Variants in CADM2 observed in about 807,000 individuals in gnomAD.
The protein encoded by CADM2 is immunoglobulin superfamily member 4D.
In CADM2, 12 loss-of-function variants were observed where a neutral mutation model predicts 49.8. The ratio of observed to expected loss-of-function variants is 0.24; its 90% CI spans 0.15 to 0.39. The LOEUF (loss-of-function observed/expected upper bound fraction) is 0.39. Ranked by LOEUF, CADM2 falls within the 10% of genes least tolerant of loss-of-function variation. CADM2 has a pLI of 1.00. For missense variants in CADM2, 378 were observed against 492.3 expected, an observed-to-expected ratio of 0.77 and a Z score of 2.20; for synonymous variants, 214 against 175.4, an observed-to-expected ratio of 1.22 and a Z score of -1.74.
At chr3:85,948,717 TAATAA>T (rs58893078) in intron 7 of CADM2, among the ~76,000 whole-genome samples, 17 of 150,918 alleles carry the variant, frequency 1.1e-4, no homozygotes, top group South Asian at 4.2e-4. Flanking sequence ...CTAAATAAAA[TAATAA>T]AATAAAATAA....
At chr3:85,042,883 T>C (rs975294469) in intron 1 of CADM2, among the ~76,000 whole-genome samples, 1 of 152,158 alleles carries the variant, frequency 6.6e-6, no homozygotes, top group African/African-American at 2.4e-5. Flanking sequence ...GACAGATTAA[T>C]AGGCGGTAAA....
chr3:86,064,731 A>G (rs550346254), intron 8 of CADM2, among the ~76,000 whole-genome samples: 1 of 152,322 alleles, frequency 6.6e-6, no homozygotes, highest in Admixed American at 6.5e-5. Context: ...TAGAATGGCG[A>G]TCATTAAAAT....
chr3:85,154,392 A>T (rs1305613800), intron 1 of CADM2, among the ~76,000 whole-genome samples: 1 of 152,146 alleles, frequency 6.6e-6, no homozygotes, highest in African/African-American at 2.4e-5. Context: ...TTAAAGAAAA[A>T]AGAATAAAAA....
intron 1 of CADM2, among the ~76,000 whole-genome samples, chr3:85,197,883 G>C (rs1348969648): frequency 6.6e-6 from 1 of 151,810 alleles, no homozygotes; most frequent in Non-Finnish European, 1.5e-5. Flanking sequence ...GCCTCTTGTT[G>C]CTTGAAGCAG....
intron 1 of CADM2, among the ~76,000 whole-genome samples, chr3:85,657,741 CAGATATATATATAT>C (rs1559574635): frequency 9.0e-5 from 6 of 66,812 alleles, no homozygotes; most frequent in African/African-American, 2.2e-4. Context: ...TATATATATA[CAGATATATATATAT>C]ACACAGATAT....
Position 84,994,180 on chromosome 3 carries a change from T to C in CADM2, c.61+34512T>C, listed in dbSNP as rs1312130202. On this transcript the variant is annotated intron_variant, in intron 1 of 9. Coordinates refer to ENST00000383699, the MANE Select transcript of CADM2 (RefSeq NM_001167675.2). ...AGTGTGTAACATTTTTGAAGGAATT[T>C]GGCACAGGCATCGCTTTTCCACTTC... Among the ~76,000 whole-genome samples the C allele has an allele frequency of 2.0e-5, 3 of 152,300 alleles. No individual in the cohort carries two copies. The East Asian group carries it at 5.8e-4, about 29-fold the overall frequency.
intron 7 of CADM2, among the ~76,000 whole-genome samples, chr3:85,943,743 C>T (rs1053985973): frequency 6.6e-6 from 1 of 151,726 alleles, no homozygotes; most frequent in African/African-American, 2.4e-5. Flanking sequence ...GAAATAACGC[C>T]GCATATCTAC....
At chr3:85,846,972 G>T (rs1041270821) in intron 3 of CADM2, among the ~76,000 whole-genome samples, 7 of 152,152 alleles carry the variant, frequency 4.6e-5, no homozygotes, top group Non-Finnish European at 7.4e-5. Flanking sequence ...GATTAAGATG[G>T]TATCTGCTTA....
At chr3:85,482,864 AGTT>A (rs1283893941) in intron 1 of CADM2, among the ~76,000 whole-genome samples, 4 of 151,670 alleles carry the variant, frequency 2.6e-5, no homozygotes, top group Non-Finnish European at 4.4e-5. Flanking sequence ...TAAAAATAAT[AGTT>A]GATTTATTAA....
At chr3:85,876,771 A>G (rs1266540663) in intron 3 of CADM2, among the ~76,000 whole-genome samples, 1 of 152,188 alleles carries the variant, frequency 6.6e-6, no homozygotes, top group Non-Finnish European at 1.5e-5. Context: ...TGAATAAATC[A>G]TGCTACATAA....
At chr3:85,035,952 C>T (rs1023996492) in intron 1 of CADM2, among the ~76,000 whole-genome samples, 1 of 152,154 alleles carries the variant, frequency 6.6e-6, no homozygotes, top group African/African-American at 2.4e-5. Context: ...GCTGTTTTAT[C>T]TGCCTGTAAC....
At chr3:85,508,841 G>A (rs1215530939) in intron 1 of CADM2, among the ~76,000 whole-genome samples, 21 of 39,772 alleles carry the variant, frequency 5.3e-4, no homozygotes, top group Non-Finnish European at 2.3e-4. Flanking sequence ...GTGTGTATGT[G>A]TGTGTGTGTG....
chr3:85,254,542 C>G (rs922355041), intron 1 of CADM2, among the ~76,000 whole-genome samples: 1 of 151,990 alleles, frequency 6.6e-6, no homozygotes, highest in African/African-American at 2.4e-5. Context: ...TCCTGAGTCA[C>G]CAGGAATCTC....
At chr3:85,021,827 T>A (rs565525717) in intron 1 of CADM2, among the ~76,000 whole-genome samples, 1 of 152,126 alleles carries the variant, frequency 6.6e-6, no homozygotes, top group Non-Finnish European at 1.5e-5. Flanking sequence ...GAGGAAAACA[T>A]TGTTATCATC....
chr3:85,762,322 GTTTGTTTGTTTGTTCA>G (rs1338423428), intron 2 of CADM2, among the ~76,000 whole-genome samples: 2 of 151,748 alleles, frequency 1.3e-5, no homozygotes, highest in African/African-American at 4.8e-5. Flanking sequence ...ATAACTCCCA[GTTTGTTTGTTTGTTCA>G]TTTGTTTGTT....
intron 1 of CADM2, among the ~76,000 whole-genome samples, chr3:85,532,857 A>C (rs1477571591): frequency 1.3e-5 from 2 of 152,194 alleles, no homozygotes; most frequent in Non-Finnish European, 2.9e-5. Context: ...CTTTGCAGGG[A>C]CATGGATGGA....
At chr3:85,492,346 C>G (rs1205144295) in intron 1 of CADM2, among the ~76,000 whole-genome samples, 1 of 152,096 alleles carries the variant, frequency 6.6e-6, no homozygotes, top group Non-Finnish European at 1.5e-5. Flanking sequence ...AATCCAAACA[C>G]TTTGGGAGGC....
intron 8 of CADM2, among the ~76,000 whole-genome samples, chr3:86,043,340 C>G (rs561524204): frequency 1.1e-3 from 163 of 152,284 alleles, no homozygotes; most frequent in African/African-American, 3.9e-3. Flanking sequence ...CCCATTGTCT[C>G]AGCCCAAAAT....
rs1739664345 is a variant in CADM2 at position 86,069,599 on chromosome 3, A to G, written c.*2816A>G. The G allele has an allele frequency of 6.6e-6, 1 of 152,010 alleles. No individual in the cohort carries two copies. Among genetic ancestry groups the G allele is most frequent in the Non-Finnish European group, 1.5e-5 (1 of 67,882 alleles). 9.4% of individuals were successfully genotyped at this position (152,010 alleles called of 1,614,324 possible). On this transcript the variant is annotated 3_prime_UTR_variant, in exon 10 of 10. Transcript: ENST00000383699. ...ATATTTCTAAATGAGAATGATGTCA[A>G]TTTCATTGTCTGGAACATGCACACT...
Sources: gnomAD v4.1 joint callset for allele counts (sites outside exome capture counted in the v4.1 genomes callset) on GRCh38, gnomAD v4.1.1 for gene constraint, MANE v1.5 for transcripts, NCBI Gene and HGNC (gene_info 2026-07-23, HGNC 2026-07-21) for gene names.